Variants in NBEA observed in about 807,000 individuals in gnomAD.
NBEA encodes neurobeachin, also known as lysosomal-trafficking regulator 2.
In NBEA, 44 loss-of-function variants were observed where a neutral mutation model predicts 343.4. The observed-to-expected ratio is 0.13, with a 90% CI of 0.10 to 0.16. NBEA has a LOEUF of 0.16. Ranked by LOEUF, NBEA falls within the 10% of genes least tolerant of loss-of-function variation. NBEA has a pLI of 1.00. For synonymous variants in NBEA, 1,175 were observed against 1,238.7 expected (o/e 0.95, Z 1.08); for missense variants, 2,555 against 3,631.3 (o/e 0.70, Z 7.62).
chr13:35,262,828 C>A (rs1028198561), intron 34 of NBEA, among the ~76,000 whole-genome samples: 2 of 152,138 alleles, frequency 1.3e-5, no homozygotes, highest in African/African-American at 2.4e-5. Context: ...TGCTGAAAGA[C>A]ATTAAAGGCA....
intron 36 of NBEA, among the ~76,000 whole-genome samples, chr13:35,343,669 G>A (rs2039716449): frequency 6.6e-6 from 1 of 152,060 alleles, no homozygotes; most frequent in African/African-American, 2.4e-5. Flanking sequence ...ATCAGTGGCA[G>A]TATTAGATTA....
intron 39 of NBEA, among the ~76,000 whole-genome samples, chr13:35,445,531 T>C (rs2045956659): frequency 6.6e-6 from 1 of 151,794 alleles, no homozygotes; most frequent in Non-Finnish European, 1.5e-5. Flanking sequence ...CAATAACTTA[T>C]GAATGGCAAA....
intron 39 of NBEA, among the ~76,000 whole-genome samples, chr13:35,440,363 A>T (rs1453419404): frequency 6.6e-6 from 1 of 152,210 alleles, no homozygotes; most frequent in Non-Finnish European, 1.5e-5. Context: ...CTTTTAGACT[A>T]ATTTTTGGTA....
At chr13:35,472,062 TACTC>T (rs1307400821) in intron 40 of NBEA, among the ~76,000 whole-genome samples, 1 of 152,116 alleles carries the variant, frequency 6.6e-6, no homozygotes. Flanking sequence ...AAGCCAGTGA[TACTC>T]AATGGAGAAT....
chr13:35,590,437 T>C (rs772251760), intron 46 of NBEA, among the ~76,000 whole-genome samples: 13 of 152,122 alleles, frequency 8.5e-5, no homozygotes, highest in Non-Finnish European at 1.8e-4. Flanking sequence ...AATTCAATAT[T>C]CTCTGCTTTT....
At chr13:35,255,872 A>G (rs2032530639) in intron 34 of NBEA, among the ~76,000 whole-genome samples, 2 of 152,222 alleles carry the variant, frequency 1.3e-5, no homozygotes, top group Non-Finnish European at 2.9e-5. Context: ...AGGAAGAATG[A>G]GATATGTGGA....
chr13:35,195,873 C>A lies in NBEA; in HGVS notation c.4937C>A (p.Ala1646Asp). ...GTTTCTTTCATTACAGAAACACCTG[C>A]TGCATTTCCAGACACCATAAAAGAA... is the stretch of plus-strand genomic sequence containing the variant. Reference protein sequence around the residue: ...FGHSFYKETPAAFPDTIKEKE... With the variant: ...FGHSFYKETPDAFPDTIKEKE... The change falls in exon 31 of 59, where the codon GCT (alanine) becomes GAT (aspartate). Residue 1646 changes from alanine (A) to aspartate (D), a missense_variant. Transcript: ENST00000379939. The A allele has an allele frequency of 6.3e-7, 1 of 1,585,274 alleles. No homozygotes were observed. The highest frequency in any genetic ancestry group is 1.9e-5 in the Admixed American group (1 of 52,876).
chr13:35,142,987 C>A (rs2068179389), intron 18 of NBEA, among the ~76,000 whole-genome samples: 1 of 152,108 alleles, frequency 6.6e-6, no homozygotes. Context: ...GTAATGTCCC[C>A]TTACATTAAC....
intron 48 of NBEA, among the ~76,000 whole-genome samples, chr13:35,622,710 A>T (rs2083047984): frequency 6.6e-6 from 1 of 152,198 alleles, no homozygotes; most frequent in South Asian, 2.1e-4. Context: ...CTCTATTTAG[A>T]GAATTTTTTA....
At chr13:35,615,129 C>CAAAAA (rs34475826) in intron 48 of NBEA, among the ~76,000 whole-genome samples, 15,358 of 108,558 alleles carry the variant, frequency 0.14, 958 homozygotes, top group Non-Finnish European at 0.18. Flanking sequence ...ACTAAAAATA[C>CAAAAA]AAAAAAAAAA....
chr13:34,999,342 C>G (rs1259396437), intron 1 of NBEA, among the ~76,000 whole-genome samples: 2 of 152,108 alleles, frequency 1.3e-5, no homozygotes, highest in East Asian at 3.9e-4. Context: ...CCTTTGGCTC[C>G]TTTTCAATAA....
At chr13:35,132,440 G>C (rs1436846860) in intron 17 of NBEA, among the ~76,000 whole-genome samples, 2 of 152,080 alleles carry the variant, frequency 1.3e-5, no homozygotes, top group African/African-American at 4.8e-5. Context: ...GATTACAGGC[G>C]TGAGCCACTG....
chr13:34,996,700 A>C (rs910042729), intron 1 of NBEA, among the ~76,000 whole-genome samples: 2 of 152,078 alleles, frequency 1.3e-5, no homozygotes, highest in African/African-American at 4.8e-5. Flanking sequence ...TGGGAAAATC[A>C]TATTTCTGAA....
intron 33 of NBEA, among the ~76,000 whole-genome samples, chr13:35,223,507 T>C (rs1284434701): frequency 6.6e-6 from 1 of 152,224 alleles, no homozygotes; most frequent in Non-Finnish European, 1.5e-5. Flanking sequence ...CATTCTTATC[T>C]TTGTTCCTCT....
chr13:35,314,358 G>A (rs1451955982), intron 36 of NBEA, among the ~76,000 whole-genome samples: 1 of 152,106 alleles, frequency 6.6e-6, no homozygotes, highest in African/African-American at 2.4e-5. Flanking sequence ...GTTTTCTTCA[G>A]CAGTTCGCAG....
Position 35,472,340 on chromosome 13 carries a change from G to A in NBEA, c.6449-60G>A, listed in dbSNP as rs1202712994. On this transcript the variant is annotated intron_variant, in intron 40 of 58. Transcript: ENST00000379939. ...CAATAAAAACCTCTGGTACCTTTCTGGGAGGGAGCAGGAAGGGCCACAGGG... is the reference window on the plus strand; with the variant it reads ...CAATAAAAACCTCTGGTACCTTTCTAGGAGGGAGCAGGAAGGGCCACAGGG... 5.8e-6 allele frequency: 9 copies of A among 1,561,500 alleles called. No individual in the cohort carries two copies. The African/African-American group carries it at 1.1e-4, about 19-fold the overall frequency.
chr13:35,460,306 TTA>T (rs1235751838), intron 40 of NBEA, among the ~76,000 whole-genome samples: 1 of 152,196 alleles, frequency 6.6e-6, no homozygotes, highest in Non-Finnish European at 1.5e-5. Flanking sequence ...TTATGAGTCT[TTA>T]TGAGTCTTTT....
At chr13:35,345,209 A>G (rs1324035194) in intron 36 of NBEA, among the ~76,000 whole-genome samples, 3 of 152,112 alleles carry the variant, frequency 2.0e-5, no homozygotes, top group African/African-American at 7.2e-5. Flanking sequence ...TCATGATTAG[A>G]AAGAATACTC....
intron 1 of NBEA, among the ~76,000 whole-genome samples, chr13:34,974,439 C>A (rs1321482259): frequency 6.6e-6 from 1 of 152,078 alleles, no homozygotes; most frequent in East Asian, 1.9e-4. Flanking sequence ...AGTTTCATTT[C>A]TTAGTATATG....
Sources: allele counts gnomAD v4.1 joint callset (sites outside exome capture counted in the v4.1 genomes callset), GRCh38; gene constraint gnomAD v4.1.1; transcripts MANE v1.5; gene names NCBI Gene and HGNC (gene_info 2026-07-23, HGNC 2026-07-21).